The following KANSL1 variants were observed in gnomAD, a reference collection of about 807,000 sequenced individuals.
KANSL1 encodes MLL1/MLL complex subunit KANSL1.
KANSL1 carries 22 observed loss-of-function variants against 103.6 expected under a neutral mutation model. That is an observed-to-expected ratio of 0.21 (90% CI 0.15 to 0.30). KANSL1 has a LOEUF of 0.30. Among genes scored for constraint, KANSL1 ranks in the 10% least tolerant of loss-of-function variants. KANSL1 has a pLI of 1.00. For synonymous variants in KANSL1, 600 were observed against 527.6 expected (o/e 1.14, Z -1.88); for missense variants, 1,337 against 1,399.8 (o/e 0.96, Z 0.72).
Position 46,074,720 on chromosome 17 carries a change from C to T in KANSL1, c.1534-7053G>A, listed in dbSNP as rs117325413. 7.4e-3 allele frequency among the ~76,000 whole-genome samples: 1,120 copies of T among 151,132 alleles called. 56 individuals are homozygous for T. The East Asian group carries it at 0.12, about 16-fold the overall frequency. ...GAGGTGAAGGCTGGAGTGGTGATTG[C>T]GACACTGCACTCCAGCCTGGGTGAC... On this transcript the variant is annotated intron_variant, in intron 4 of 14. Transcript: ENST00000432791.
chr17:46,135,772 G>C (rs1337562794), intron 2 of KANSL1, among the ~76,000 whole-genome samples: 2 of 147,974 alleles, frequency 1.4e-5, no homozygotes, highest in African/African-American at 5.1e-5. Flanking sequence ...AACCTCCTGG[G>C]CTCAAGCCTC....
At chr17:46,060,131 T>A (rs1282194646) in intron 6 of KANSL1, among the ~76,000 whole-genome samples, 1 of 152,236 alleles carries the variant, frequency 6.6e-6, no homozygotes, top group Non-Finnish European at 1.5e-5. Flanking sequence ...TTAATACTTA[T>A]GAAGGAATTA....
At position 46,030,333 on chromosome 17, in the gene KANSL1, A is replaced by G. The variant is rs1432617318; in HGVS notation, c.*1143T>C. 1 of 152,126 alleles carries G rather than the reference A, an allele frequency of 6.6e-6. No homozygotes were observed. Among genetic ancestry groups the G allele is most frequent in the African/African-American group, 2.4e-5 (1 of 41,408 alleles). 9.4% of individuals were successfully genotyped at this position (152,126 alleles called of 1,614,324 possible). ...AAATTGTGAAAAAACCCCAACCATT[A>G]AGCAGTTGTCTACTATTTTTATACG... On this transcript the variant is annotated 3_prime_UTR_variant, in exon 15 of 15. Transcript: ENST00000432791.
intron 2 of KANSL1, among the ~76,000 whole-genome samples, chr17:46,124,331 T>C (rs903380406): frequency 1.3e-5 from 2 of 152,388 alleles, no homozygotes; most frequent in South Asian, 4.1e-4. Context: ...GTTGACAGCA[T>C]GTTTTACTGA....
In KANSL1 at chr17:46,094,581, G is replaced by A. The variant is rs776206707; in HGVS notation, c.1410C>T (p.Tyr470=). The A allele has an allele frequency of 8.7e-6, 14 of 1,613,380 alleles. No individual in the cohort carries two copies. The South Asian group carries it at 1.2e-4, about 14-fold the overall frequency. Residue 470 remains tyrosine, a synonymous_variant, in exon 3 of 15, where the codon TAC becomes TAT. Coordinates refer to ENST00000432791, the MANE Select transcript of KANSL1 (RefSeq NM_015443.4). ...TTACCTTATTAGCACGTATCTGTTT[G>A]TAAATGTCTGTTTGCTGACGAATTC... is the stretch of plus-strand genomic sequence containing the variant. ...EYRIRQQTDI[Y]KQIRANKGLI...
rs574418144 is a variant in KANSL1 at position 46,193,137 on chromosome 17, A to AGGGC, written c.-408_-405dup. The AGGGC allele has an allele frequency of 0.12, 18,411 of 148,454 alleles. 24 individuals carry two copies. The highest frequency in any genetic ancestry group is 0.19 in the Non-Finnish European group (12,308 of 66,150). The allele number at this position is 148,454 out of a possible 1,614,324, so 9.2% of individuals were successfully genotyped here. ...GGCTGGAGACCGCAGCCCGGCCGGG[A>AGGGC]GGGCGGGCGGGCGGGGGCAGAGAGT... On this transcript the variant is annotated 5_prime_UTR_variant, in exon 1 of 15. Coordinates refer to ENST00000432791, the MANE Select transcript of KANSL1 (RefSeq NM_015443.4).
chr17:46,202,883 G>T, intron 1 of KANSL1, among the ~76,000 whole-genome samples: 1 of 152,112 alleles, frequency 6.6e-6, no homozygotes, highest in Non-Finnish European at 1.5e-5. Flanking sequence ...ACTTTAACCA[G>T]CATCAGAAAA....
intron 2 of KANSL1, among the ~76,000 whole-genome samples, chr17:46,130,157 T>A (rs113758975): frequency 0.15 from 19,359 of 133,226 alleles, 1,903 homozygotes; most frequent in Middle Eastern, 0.25. Context: ...ACTGAACTCA[T>A]GCCTGGGCAA....
chr17:46,068,930 T>C (rs1181010494), intron 4 of KANSL1, among the ~76,000 whole-genome samples: 1 of 152,020 alleles, frequency 6.6e-6, no homozygotes, highest in East Asian at 1.9e-4. Context: ...TTTGACTCCT[T>C]ACTTTATTTT....
At chr17:46,052,320 C>G (rs190839661) in intron 6 of KANSL1, among the ~76,000 whole-genome samples, 49 of 152,328 alleles carry the variant, frequency 3.2e-4, no homozygotes, top group Admixed American at 2.5e-3. Flanking sequence ...AACAACACTA[C>G]ATTTTATGGC....
At chr17:46,064,708 C>T (rs952092480) in intron 6 of KANSL1, among the ~76,000 whole-genome samples, 1 of 151,962 alleles carries the variant, frequency 6.6e-6, no homozygotes, top group Non-Finnish European at 1.5e-5. Flanking sequence ...CTACTTTATT[C>T]GTCACTCCCT....
At chr17:46,068,587 T>TAAAC (rs1286518159) in intron 4 of KANSL1, among the ~76,000 whole-genome samples, 1 of 151,806 alleles carries the variant, frequency 6.6e-6, no homozygotes, top group Non-Finnish European at 1.5e-5. Context: ...AATAAATAAA[T>TAAAC]AAACACACAC....
At chr17:46,083,327 C>T (rs1219665374) in intron 3 of KANSL1, among the ~76,000 whole-genome samples, 4 of 151,950 alleles carry the variant, frequency 2.6e-5, no homozygotes, top group African/African-American at 7.3e-5. Flanking sequence ...ACTATATAAC[C>T]GAAAGACTGG....
chr17:46,049,919 CTT>C (rs66515942), intron 7 of KANSL1: 21,425 of 146,290 alleles, frequency 0.15, 2,058 homozygotes, highest in Non-Finnish European at 0.22. Context: ...ACAGACAAAA[CTT>C]TTTTTTTTTT....
intron 10 of KANSL1, chr17:46,034,525 TC>T: frequency 2.3e-6 from 1 of 434,100 alleles, no homozygotes; most frequent in Non-Finnish European, 4.2e-6. Context: ...CTGGTCACCC[TC>T]TTCCTTCAAG....
chr17:46,147,035 A>AAGT (rs2044747320), intron 2 of KANSL1, among the ~76,000 whole-genome samples: 1 of 152,168 alleles, frequency 6.6e-6, no homozygotes, highest in Admixed American at 6.5e-5. Context: ...CACTAAAAAT[A>AAGT]AGTAAATAAA....
At chr17:46,213,551 G>C (rs1199862837) in intron 1 of KANSL1, among the ~76,000 whole-genome samples, 2 of 151,060 alleles carry the variant, frequency 1.3e-5, no homozygotes, top group Non-Finnish European at 2.9e-5. Flanking sequence ...CTCATGATGG[G>C]CCCGCCTCGG....
At chr17:46,051,223 A>G (rs1185494266) in intron 6 of KANSL1, among the ~76,000 whole-genome samples, 4 of 152,228 alleles carry the variant, frequency 2.6e-5, no homozygotes, top group African/African-American at 9.6e-5. Context: ...GTCTCAAGCC[A>G]GGTGGCAAGC....
At chr17:46,054,165 G>A (rs1367995426) in intron 6 of KANSL1, among the ~76,000 whole-genome samples, 1 of 151,942 alleles carries the variant, frequency 6.6e-6, no homozygotes, top group Non-Finnish European at 1.5e-5. Flanking sequence ...AGATTCTTCT[G>A]CCTTAGCCTA....
Sources: allele counts gnomAD v4.1 joint callset (sites outside exome capture counted in the v4.1 genomes callset), GRCh38; gene constraint gnomAD v4.1.1; transcripts MANE v1.5; gene names NCBI Gene and HGNC (gene_info 2026-07-23, HGNC 2026-07-21).